ACOXL: variants seen among roughly 807,000 people sequenced by gnomAD.
The protein encoded by ACOXL is acyl-CoA oxidase like.
In ACOXL, 70 loss-of-function variants were observed where a neutral mutation model predicts 71.9. The ratio of observed to expected loss-of-function variants is 0.97; its 90% CI spans 0.80 to 1.19. The LOEUF (loss-of-function observed/expected upper bound fraction) is 1.19. ACOXL is among the 50% of genes most tolerant of loss of function. The pLI is 0.00. For missense variants in ACOXL, 703 were observed against 736.3 expected, an observed-to-expected ratio of 0.95 and a Z score of 0.52; for synonymous variants, 253 against 281.6, an observed-to-expected ratio of 0.90 and a Z score of 1.02.
At position 110,798,801 on chromosome 2, in the gene ACOXL, C is replaced by T; in HGVS notation, c.460+77C>T. On this transcript the variant is annotated intron_variant, in intron 6 of 17. Coordinates refer to ENST00000439055, the MANE Select transcript of ACOXL (RefSeq NM_001142807.4). Reference sequence around the variant, plus strand: ...ACCAGTGAAAAACCATTTCACAGAGCTGCTTTTATCTTGTAAATAATTCAG... The same window carrying T: ...ACCAGTGAAAAACCATTTCACAGAGTTGCTTTTATCTTGTAAATAATTCAG... 7.4e-6 allele frequency: 10 copies of T among 1,348,470 alleles called. No homozygotes were observed. In the South Asian group the frequency reaches 1.2e-4, roughly 16 times the overall value. The allele number at this position is 1,348,470 out of a possible 1,614,324, so 83.5% of individuals were successfully genotyped here.
chr2:110,899,274 A>G (rs1243998784), intron 10 of ACOXL, among the ~76,000 whole-genome samples: 1 of 152,168 alleles, frequency 6.6e-6, no homozygotes, highest in Non-Finnish European at 1.5e-5. Context: ...TAAGAAATGG[A>G]TGCACACTCT....
At chr2:110,875,816 T>A (rs537618207) in intron 10 of ACOXL, among the ~76,000 whole-genome samples, 24 of 152,140 alleles carry the variant, frequency 1.6e-4, no homozygotes, top group Admixed American at 1.3e-3. Flanking sequence ...GGCACCTAAG[T>A]GAAGCTGTTG....
intron 17 of ACOXL, chr2:111,098,408 G>T (rs1437589940): frequency 6.6e-6 from 1 of 152,194 alleles, no homozygotes; most frequent in East Asian, 1.9e-4. Context: ...GCCTCATGTG[G>T]CCCATGGGCT....
intron 11 of ACOXL, among the ~76,000 whole-genome samples, chr2:110,929,129 A>C (rs1416450254): frequency 1.3e-5 from 2 of 152,200 alleles, no homozygotes; most frequent in Non-Finnish European, 2.9e-5. Context: ...AACAGTTTGG[A>C]GGGCTCAGAA....
At chr2:111,047,271 C>T (rs1367410466) in intron 15 of ACOXL, among the ~76,000 whole-genome samples, 1 of 152,140 alleles carries the variant, frequency 6.6e-6, no homozygotes, top group African/African-American at 2.4e-5. Context: ...GAGTCCAGTG[C>T]ACAGGCAGTG....
intron 10 of ACOXL, among the ~76,000 whole-genome samples, chr2:110,906,753 G>A (rs931585874): frequency 1.8e-4 from 28 of 152,252 alleles, no homozygotes; most frequent in African/African-American, 2.4e-4. Context: ...TGCACGTGCC[G>A]CCTTTTCTGG....
chr2:110,990,944 A>T (rs770174420), intron 13 of ACOXL, among the ~76,000 whole-genome samples: 12 of 152,126 alleles, frequency 7.9e-5, no homozygotes, highest in Non-Finnish European at 1.6e-4. Flanking sequence ...ATGGTTTTCC[A>T]TTCTTGTACA....
intron 16 of ACOXL, among the ~76,000 whole-genome samples, chr2:111,075,737 G>T (rs2067568490): frequency 6.6e-6 from 1 of 151,760 alleles, no homozygotes; most frequent in African/African-American, 2.4e-5. Flanking sequence ...TACTTTTCCT[G>T]CACCCCACAA....
intron 2 of ACOXL, among the ~76,000 whole-genome samples, chr2:110,773,969 C>T (rs1313734180): frequency 6.6e-6 from 1 of 152,170 alleles, no homozygotes; most frequent in Admixed American, 6.5e-5. Context: ...TGAGCTGGAC[C>T]TGCCCTGGGA....
chr2:110,863,346 C>A (rs945033908), intron 10 of ACOXL, among the ~76,000 whole-genome samples: 1 of 152,120 alleles, frequency 6.6e-6, no homozygotes, highest in Non-Finnish European at 1.5e-5. Flanking sequence ...CATCAGGTTG[C>A]GTGTGCAATA....
chr2:110,918,734 G>T (rs1330364709), intron 11 of ACOXL, among the ~76,000 whole-genome samples: 1 of 152,164 alleles, frequency 6.6e-6, no homozygotes, highest in Non-Finnish European at 1.5e-5. Context: ...ATCAAAAAGT[G>T]GGTGAAGAAT....
intron 9 of ACOXL, among the ~76,000 whole-genome samples, chr2:110,809,378 A>T (rs369649744): frequency 3.0e-4 from 45 of 152,262 alleles, no homozygotes; most frequent in African/African-American, 9.6e-4. Flanking sequence ...CTGCATGCTG[A>T]GTGCAACCAG....
At chr2:110,931,440 C>G (rs988261682) in intron 11 of ACOXL, among the ~76,000 whole-genome samples, 2 of 152,090 alleles carry the variant, frequency 1.3e-5, no homozygotes, top group Non-Finnish European at 2.9e-5. Context: ...CTCTGAGAGT[C>G]ATTGTATTAT....
chr2:110,879,366 C>T (rs1696334644), intron 10 of ACOXL, among the ~76,000 whole-genome samples: 1 of 152,128 alleles, frequency 6.6e-6, no homozygotes, highest in South Asian at 2.1e-4. Flanking sequence ...ATGGAACCTT[C>T]AAACCGTTGA....
intron 12 of ACOXL, among the ~76,000 whole-genome samples, chr2:110,965,624 T>A (rs1438453125): frequency 6.6e-6 from 1 of 152,198 alleles, no homozygotes; most frequent in African/African-American, 2.4e-5. Context: ...AAGAATGTGA[T>A]CATGATTTGG....
At chr2:110,867,031 A>G (rs1246749607) in intron 10 of ACOXL, among the ~76,000 whole-genome samples, 3 of 152,126 alleles carry the variant, frequency 2.0e-5, no homozygotes, top group African/African-American at 4.8e-5. Context: ...CGCCCTGCAG[A>G]CCTTGGTCTG....
In ACOXL at chr2:110,881,453, A is replaced by G. The variant is rs188241173; in HGVS notation, c.789-27336A>G. On this transcript the variant is annotated intron_variant, in intron 10 of 17. Coordinates refer to ENST00000439055, the MANE Select transcript of ACOXL (RefSeq NM_001142807.4). ...TATAACCTGTTTTCTTTGTAATCAT[A>G]TATATATATATGCTTTATTAAGGTA... 3.0e-4 allele frequency among the ~76,000 whole-genome samples: 46 copies of G among 151,376 alleles called. No homozygotes were observed. The East Asian group carries it at 7.3e-3, about 24-fold the overall frequency.
At chr2:111,046,328 A>G (rs934558938) in intron 15 of ACOXL, among the ~76,000 whole-genome samples, 11 of 152,226 alleles carry the variant, frequency 7.2e-5, no homozygotes, top group South Asian at 2.1e-4. Context: ...ATTTAAAGTC[A>G]GGTCTGTCTG....
Position 110,751,394 on chromosome 2 carries a change from TTAAC to T in ACOXL, c.-22-16973_-22-16970del, listed in dbSNP as rs1474598890. On this transcript the variant is annotated intron_variant, in intron 1 of 17. Transcript: ENST00000439055. ...TATATCCACTACCTAGATTCTGGCA[TTAAC>T]ATGCTACTATACTTGCTTTATCACG... is the stretch of plus-strand genomic sequence containing the variant. 6.8e-4 allele frequency among the ~76,000 whole-genome samples: 104 copies of T among 152,128 alleles called. 1 individual carries two copies. The highest frequency in any genetic ancestry group is 1.8e-4 in the Non-Finnish European group (12 of 68,028).
Sources: gnomAD v4.1 joint callset for allele counts (sites outside exome capture counted in the v4.1 genomes callset) on GRCh38, gnomAD v4.1.1 for gene constraint, MANE v1.5 for transcripts, NCBI Gene and HGNC (gene_info 2026-07-23, HGNC 2026-07-21) for gene names.